NUDC: variants seen among roughly 807,000 people sequenced by gnomAD.
NUDC encodes the protein nuclear migration protein nudC.
NUDC carries 14 observed loss-of-function variants against 45.0 expected under a neutral mutation model. The ratio of observed to expected loss-of-function variants is 0.31; its 90% CI spans 0.21 to 0.49. The LOEUF (loss-of-function observed/expected upper bound fraction) is 0.49. Among genes scored for constraint, NUDC ranks in the 20% least tolerant of loss-of-function variants. NUDC has a pLI of 0.99. For missense variants in NUDC, 323 were observed against 426.2 expected (o/e 0.76, Z 2.13); for synonymous variants, 153 against 156.7 (o/e 0.98, Z 0.17).
chr1:26,920,497 T>C (rs528411500), upstream of NUDC, among the ~76,000 whole-genome samples: 2 of 149,226 alleles, frequency 1.3e-5, no homozygotes, highest in African/African-American at 4.9e-5. Context: ...AAAAGAAGAA[T>C]AGATAGACTA....
chr1:26,911,980 G>A, intron 3 of NUDC: 1 of 1,614,256 alleles, frequency 6.2e-7, no homozygotes, highest in African/African-American at 1.3e-5. Context: ...CACGGGTCAG[G>A]CGGCCTTGGG....
At chr1:26,929,459 C>T (rs751036416) in intron 2 of NUDC, among the ~76,000 whole-genome samples, 1 of 151,722 alleles carries the variant, frequency 6.6e-6, no homozygotes, top group Non-Finnish European at 1.5e-5. Flanking sequence ...TTACTTACAT[C>T]CGTAGCAGTT....
At position 26,924,376 on chromosome 1, in the gene NUDC, A is replaced by G. The variant is rs142658037; in HGVS notation, c.159+210A>G. Among the ~76,000 whole-genome samples, 359 of 152,228 alleles carry G rather than the reference A, an allele frequency of 2.4e-3. 3 individuals carry two copies. Among genetic ancestry groups the G allele is most frequent in the African/African-American group, 8.0e-3 (334 of 41,530 alleles). On this transcript the variant is annotated intron_variant, in intron 2 of 8. Coordinates refer to ENST00000321265, the MANE Select transcript of NUDC (RefSeq NM_006600.4). ...TATTTCCCATGACTTTTGCAGTTCT[A>G]CAAGAGGGGCAGGTGTTAACTATCC...
intron 1 of NUDC, among the ~76,000 whole-genome samples, chr1:26,901,084 A>G (rs192150338): frequency 6.6e-6 from 1 of 152,328 alleles, no homozygotes; most frequent in East Asian, 1.9e-4. Context: ...TGGAAATGTA[A>G]GTTGATACAA....
intron 1 of NUDC, among the ~76,000 whole-genome samples, chr1:26,900,682 AG>A (rs2081974564): frequency 6.6e-6 from 1 of 152,116 alleles, no homozygotes; most frequent in African/African-American, 2.4e-5. Flanking sequence ...AGCTCTCATG[AG>A]GACCAAATAA....
At chr1:26,911,770 C>T in intron 3 of NUDC, 2 of 1,593,882 alleles carry the variant, frequency 1.3e-6, no homozygotes, top group East Asian at 2.2e-5. Context: ...AGCATTGGGT[C>T]ACCTCTGGGG....
intron 2 of NUDC, chr1:26,929,631 G>T: frequency 3.4e-6 from 1 of 297,456 alleles, no homozygotes; most frequent in Non-Finnish European, 7.2e-6. Context: ...TGGGTACGGT[G>T]GGACTACCCT....
chr1:26,915,058 C>CATACATATATAT (rs758134417), intron 3 of NUDC, among the ~76,000 whole-genome samples: 9 of 140,534 alleles, frequency 6.4e-5, no homozygotes, highest in African/African-American at 2.4e-4. Flanking sequence ...TACATACATA[C>CATACATATATAT]ATATATATAT....
Position 26,924,118 on chromosome 1 carries a change from A to G in NUDC, c.111A>G (p.Arg37=). Residue 37 remains arginine (R), a synonymous_variant, in exon 2 of 9, where the codon CGA becomes CGG. Transcript: ENST00000321265. ...ELVNTFFSFL[R]RKTDFFIGGE... is the part of the protein sequence containing the mutation. ...TGAACACCTTCTTCAGCTTCCTTCG[A>G]CGCAAAACAGACTTTTTCATTGGAG... The G allele has an allele frequency of 6.2e-7, 1 of 1,614,092 alleles. No homozygotes were observed. Among genetic ancestry groups the G allele is most frequent in the South Asian group, 1.1e-5 (1 of 91,078 alleles).
intron 1 of NUDC, 30 bp downstream of exon 1, chr1:26,921,959 G>A (rs1452408081): frequency 2.1e-5 from 33 of 1,545,280 alleles, no homozygotes; most frequent in Non-Finnish European, 2.6e-5. Flanking sequence ...CGGCCCACCC[G>A]GCGGCCTTGG....
chr1:26,900,308 G>A lies in NUDC; in HGVS notation c.-193G>A, dbSNP rs267598528. The A allele has an allele frequency of 3.7e-6, 6 of 1,613,978 alleles. 1 individual carries two copies. In the African/African-American group the frequency reaches 8.0e-5, roughly 22 times the overall value. ...CAGGCCGATGCCGGTAGTGGAAACA[G>A]AGGAAGCCACCGCCGCGCTCTTCTC... On this transcript the variant is annotated 5_prime_UTR_variant, in exon 1 of 7. Coordinates refer to the NUDC transcript ENST00000435827.
rs115338521 is a variant in NUDC at position 26,904,614 on chromosome 1, A to C, written c.-16+2248A>C. Among the ~76,000 whole-genome samples the C allele has an allele frequency of 1.5e-3, 234 of 152,160 alleles. 1 individual carries two copies. The highest frequency in any genetic ancestry group is 2.6e-3 in the Non-Finnish European group (174 of 67,994). ...CTCACCCCTGACTTTTAAAGACACA[A>C]GTATAGTGTTTAAGAGCATGGGCCC... On this transcript the variant is annotated intron_variant, in intron 2 of 6. Transcript: ENST00000435827.
Position 26,921,777 on chromosome 1 carries a change from C to A in NUDC, c.-72C>A. 1 of 1,489,960 alleles carries A rather than the reference C, an allele frequency of 6.7e-7. No homozygotes were observed. Among genetic ancestry groups the A allele is most frequent in the Non-Finnish European group, 9.1e-7 (1 of 1,094,990 alleles). The allele number at this position is 1,489,960 out of a possible 1,614,324, so 92.3% of individuals were successfully genotyped here. ...GGACGACTAGAGTCGTTGGGCCCGG[C>A]GCGACCCGCAGGAGCGTAGAGAGCG... On this transcript the variant is annotated 5_prime_UTR_variant, in exon 1 of 9. Transcript: ENST00000321265.
At chr1:26,902,318 C>G (rs563862065) in exon 2 of NUDC, 2 of 152,232 alleles carry the variant, frequency 1.3e-5, no homozygotes, top group Non-Finnish European at 2.9e-5. Flanking sequence ...CTTGAGCCAG[C>G]GCACATCTCC....
chr1:26,940,551 G>A (rs17162351), intron 2 of NUDC, among the ~76,000 whole-genome samples: 1 of 152,120 alleles, frequency 6.6e-6, no homozygotes, highest in African/African-American at 2.4e-5. Flanking sequence ...GTCAAGTCTT[G>A]CATAGCTGGA....
At chr1:26,936,166 T>TATATATATATATATATATATATATA (rs1491359477) in intron 2 of NUDC, among the ~76,000 whole-genome samples, 1 of 1,838 alleles carries the variant, frequency 5.4e-4, no homozygotes, top group Non-Finnish European at 9.5e-4. Flanking sequence ...TATATATATA[T>TATATATATATATATATATATATATA]TTTTTTTTTT....
chr1:26,900,575 G>T (rs1271770077), intron 1 of NUDC: 1 of 707,748 alleles, frequency 1.4e-6, no homozygotes, highest in African/African-American at 1.8e-5. Context: ...CCTGGAGCTG[G>T]AAGATCCGAA....
Position 26,942,723 on chromosome 1 carries a change from A to G in NUDC, c.493A>G (p.Asn165Asp). Residue 165 changes from asparagine (N) to aspartate (D), a missense_variant, in exon 5 of 9, where the codon AAC becomes GAC. By Grantham distance (23) the Asn-to-Asp change is conservative (BLOSUM62 1). Transcript: ENST00000321265. ...DKGKLKPNLG[N>D]GADLPNYRWT... ...AGGAAAACTGAAGCCCAACCTAGGCAACGGGGCAGACCTGCCCAATTACCG... is the reference window on the plus strand; with the variant it reads ...AGGAAAACTGAAGCCCAACCTAGGCGACGGGGCAGACCTGCCCAATTACCG... The G allele has an allele frequency of 1.2e-6, 2 of 1,614,258 alleles. No homozygotes were observed. Among genetic ancestry groups the G allele is most frequent in the Non-Finnish European group, 1.7e-6 (2 of 1,180,040 alleles).
At chr1:26,933,248 A>T (rs1204192698) in intron 2 of NUDC, among the ~76,000 whole-genome samples, 3 of 148,714 alleles carry the variant, frequency 2.0e-5, no homozygotes, top group Non-Finnish European at 3.0e-5. Context: ...TTTTTTTTTT[A>T]AATCTATTCT....
Sources: allele counts gnomAD v4.1 joint callset (sites outside exome capture counted in the v4.1 genomes callset), GRCh38; gene constraint gnomAD v4.1.1; transcripts MANE v1.5; gene names NCBI Gene and HGNC (gene_info 2026-07-23, HGNC 2026-07-21).